The following NBEAL2 variants were observed in gnomAD, a reference collection of about 807,000 sequenced individuals.
NBEAL2 encodes the protein neurobeachin like 2.
A neutral mutation model predicts 299.8 loss-of-function variants in NBEAL2; 160 were observed. That is an observed-to-expected ratio of 0.53 (90% CI 0.47 to 0.61). The LOEUF is 0.61. Among genes scored for constraint, NBEAL2 ranks in the 20% least tolerant of loss-of-function variants. The pLI, the probability that NBEAL2 is intolerant of heterozygous loss-of-function variation, is 0.00. For missense variants in NBEAL2, 3,112 were observed against 3,649.0 expected, an observed-to-expected ratio of 0.85 and a Z score of 3.79; for synonymous variants, 1,493 against 1,542.3, an observed-to-expected ratio of 0.97 and a Z score of 0.75.
Position 46,989,067 on chromosome 3 carries a change from C to T in NBEAL2, c.270-18C>T, listed in dbSNP as rs767003303. The stretch of plus-strand genomic sequence containing the variant: ...CATGGTGTATTATTGTGACCTCTCT[C>T]ATCATTGACTCCCCCAGGAACCTGG... On this transcript the variant is annotated intron_variant, in intron 3 of 53. Coordinates refer to ENST00000450053, the MANE Select transcript of NBEAL2 (RefSeq NM_015175.3). The surrounding 1 kb of genome is among the most constrained non-coding windows in gnomAD (Gnocchi z 5.5). 6.4e-5 allele frequency: 103 copies of T among 1,612,888 alleles called. No individual in the cohort carries two copies. The highest frequency in any genetic ancestry group is 8.1e-5 in the Non-Finnish European group (96 of 1,179,490).
At chr3:46,983,050 G>A (rs940277653) in intron 1 of NBEAL2, among the ~76,000 whole-genome samples, 3 of 152,178 alleles carry the variant, frequency 2.0e-5, no homozygotes, top group Non-Finnish European at 4.4e-5. Flanking sequence ...GAGTGAGGGG[G>A]CACTGAATGT....
rs1215462057 is a variant in NBEAL2, at chr3:46,982,288, C to G, written c.51+2376C>G. ...TTTAGTTGGCCAGCCACCCAGCCAG[C>G]AACACCTGCACCCCTCCCTTCAGCA... On this transcript the variant is annotated intron_variant, in intron 1 of 53. Coordinates refer to ENST00000450053, the MANE Select transcript of NBEAL2 (RefSeq NM_015175.3). This position sits in a 1 kb window ranked among gnomAD's most constrained non-coding sequence, Gnocchi z 4.2. Among the ~76,000 whole-genome samples, 1 of 152,192 alleles carries G rather than the reference C, an allele frequency of 6.6e-6. No individual in the cohort carries two copies. Among genetic ancestry groups the G allele is most frequent in the Non-Finnish European group, 1.5e-5 (1 of 68,032 alleles).
rs773067240 is a variant in NBEAL2, at chr3:46,989,017, C to T, written c.269+47C>T. On this transcript the variant is annotated intron_variant, in intron 3 of 53. Transcript: ENST00000450053. The surrounding 1 kb of genome is among the most constrained non-coding windows in gnomAD (Gnocchi z 5.5). ...CAAGCAGGGGCCTAGAACTGTGGGC[C>T]AGAGGGAGAGGGGACAAGGAGGGGC... The T allele has an allele frequency of 6.2e-7, 1 of 1,611,892 alleles. No homozygotes were observed. Among genetic ancestry groups the T allele is most frequent in the Non-Finnish European group, 8.5e-7 (1 of 1,178,940 alleles).
rs545138505 is a variant in NBEAL2, at chr3:47,001,410, A to G, written c.4616A>G (p.His1539Arg). The change falls in exon 29 of 54, where the codon CAT (histidine) becomes CGT (arginine). Residue 1539 changes from histidine (H) to arginine (R), a missense_variant. His to Arg is a conservative substitution (Grantham distance 29). Coordinates refer to ENST00000450053, the MANE Select transcript of NBEAL2 (RefSeq NM_015175.3). The surrounding 1 kb of genome is among the most constrained non-coding windows in gnomAD (Gnocchi z 6.1). ...CAGGACTTCCTGTGTGCTGAAGGCC[A>G]TGGTAACCAGGAACTGTGGAGTGAG... ...LLQDFLCAEG[H>R]GNQELWSEKL... 3.1e-6 allele frequency: 5 copies of G among 1,613,032 alleles called. No homozygotes were observed. In the South Asian group the frequency reaches 5.5e-5, roughly 18 times the overall value.
Position 47,004,762 on chromosome 3 carries a change from C to T in NBEAL2, c.6294+172C>T, listed in dbSNP as rs1378412986. ...GCCAACCCCCAGAGGTCCCCAGCCT[C>T]ACTCCCTTCCCCTCCCTGCCTAGCC... On this transcript the variant is annotated intron_variant, in intron 38 of 53. Transcript: ENST00000450053. The surrounding 1 kb of genome is among the most constrained non-coding windows in gnomAD (Gnocchi z 5.0). 3 of 955,370 alleles carry T rather than the reference C, an allele frequency of 3.1e-6. No homozygotes were observed. Among genetic ancestry groups the T allele is most frequent in the Admixed American group, 2.1e-5 (1 of 46,982 alleles). 59.2% of individuals were successfully genotyped at this position (955,370 alleles called of 1,614,324 possible).
chr3:47,008,674 C>T lies in NBEAL2; in HGVS notation c.8027+6C>T. 6.2e-7 allele frequency: 1 copy of T among 1,613,024 alleles called. No individual in the cohort carries two copies. Among genetic ancestry groups the T allele is most frequent in the Non-Finnish European group, 8.5e-7 (1 of 1,179,840 alleles). ...CACATCCTCCAACTAAACACGTAAG[C>T]CCCCCATTTATGGGTTCATGGCCCC... On this transcript the variant is annotated splice_donor_region_variant and intron_variant, in intron 52 of 53. Coordinates refer to ENST00000450053, the MANE Select transcript of NBEAL2 (RefSeq NM_015175.3).
In NBEAL2 at chr3:47,005,315, G is replaced by C. The variant is rs552571358; in HGVS notation, c.6554G>C (p.Ser2185Thr). ...PFTSLHVQLQ[S>T]GRFDCSDRQF... ...ACCTCCCTGCACGTCCAGCTGCAAAGTGGCCGGTGCGGCCCAGGGGCTGGT... is the reference window on the plus strand; with the variant it reads ...ACCTCCCTGCACGTCCAGCTGCAAACTGGCCGGTGCGGCCCAGGGGCTGGT... Residue 2185 changes from serine to threonine, a missense_variant, in exon 40 of 54, where the codon AGT (serine) becomes ACT (threonine). This residue lies in a region of NBEAL2 where 521 missense variants were observed against 729.6 expected (regional missense o/e 0.71). Coordinates refer to ENST00000450053, the MANE Select transcript of NBEAL2 (RefSeq NM_015175.3). The C allele has an allele frequency of 6.2e-7, 1 of 1,611,952 alleles. No homozygotes were observed. The highest frequency in any genetic ancestry group is 8.5e-7 in the Non-Finnish European group (1 of 1,179,330).
rs1359893726 is a variant in NBEAL2 at position 46,989,666 on chromosome 3, G to A, written c.556+73G>A. 14 of 1,346,610 alleles carry A rather than the reference G, an allele frequency of 1.0e-5. No homozygotes were observed. The highest frequency in any genetic ancestry group is 1.4e-5 in the Non-Finnish European group (13 of 962,766). The allele number at this position is 1,346,610 out of a possible 1,614,324, so 83.4% of individuals were successfully genotyped here. ...CCCCTTCCTGTCGTTCCTTGATCCTGCCATACACAGGAACCACTTGGTGGT... is the reference window on the plus strand; with the variant it reads ...CCCCTTCCTGTCGTTCCTTGATCCTACCATACACAGGAACCACTTGGTGGT... On this transcript the variant is annotated intron_variant, in intron 6 of 53. Transcript: ENST00000450053. This position sits in a 1 kb window ranked among gnomAD's most constrained non-coding sequence, Gnocchi z 5.5.
In NBEAL2 at chr3:46,991,823, C is replaced by A. The variant is rs1262723833; in HGVS notation, c.926-17C>A. 6.3e-7 allele frequency: 1 copy of A among 1,581,844 alleles called. No homozygotes were observed. Among genetic ancestry groups the A allele is most frequent in the Non-Finnish European group, 8.6e-7 (1 of 1,164,032 alleles). On this transcript the variant is annotated splice_polypyrimidine_tract_variant and intron_variant, in intron 8 of 53. Transcript: ENST00000450053. This position sits in a 1 kb window ranked among gnomAD's most constrained non-coding sequence, Gnocchi z 6.2. ...TAGAGGGGTCTGGGCAGGGCCTGACCCTTGACCCTTCCACAGACGCCATCC... is the reference window on the plus strand; with the variant it reads ...TAGAGGGGTCTGGGCAGGGCCTGACACTTGACCCTTCCACAGACGCCATCC...
chr3:47,007,484 A>T (rs1186497702), intron 47 of NBEAL2, 41 bp from the exon 48 acceptor site: 2 of 1,588,128 alleles, frequency 1.3e-6, no homozygotes, highest in Non-Finnish European at 8.6e-7. Flanking sequence ...GGTCTCTTCC[A>T]TGTGGCCTGG....
At chr3:46,999,548 G>A (rs764894065) in intron 25 of NBEAL2, 74 bp downstream of exon 25, 253 of 1,591,592 alleles carry the variant, frequency 1.6e-4, no homozygotes, top group Non-Finnish European at 2.0e-4. Flanking sequence ...GAAGAAGGAA[G>A]ATAGTGGCAT....
chr3:47,002,670 G>A lies in NBEAL2; in HGVS notation c.5327G>A (p.Arg1776Lys). Residue 1776 changes from arginine to lysine, a missense_variant, in exon 33 of 54, where the codon AGG (arginine) becomes AAG (lysine). Physicochemically the swap from Arg to Lys is conservative, Grantham distance 26. Coordinates refer to ENST00000450053, the MANE Select transcript of NBEAL2 (RefSeq NM_015175.3). ...GAGCTGGTGCTGGAACCTGCGCAGAGGCGGGCGCGCCTGGAGGGGCTACGC... is the reference window on the plus strand; with the variant it reads ...GAGCTGGTGCTGGAACCTGCGCAGAAGCGGGCGCGCCTGGAGGGGCTACGC... Reference protein sequence around the residue: ...FQELVLEPAQRRARLEGLRYT... With the variant: ...FQELVLEPAQKRARLEGLRYT... 1 of 1,608,426 alleles carries A rather than the reference G, an allele frequency of 6.2e-7. No homozygotes were observed. Among genetic ancestry groups the A allele is most frequent in the Non-Finnish European group, 8.5e-7 (1 of 1,178,642 alleles).
rs1391801969 is a variant in NBEAL2, at chr3:46,979,836, C to T, written c.-26C>T. 4.0e-5 allele frequency: 17 copies of T among 425,954 alleles called. No homozygotes were observed. 26.4% of individuals were successfully genotyped at this position (425,954 alleles called of 1,614,324 possible). On this transcript the variant is annotated 5_prime_UTR_variant, in exon 1 of 54. Coordinates refer to ENST00000450053, the MANE Select transcript of NBEAL2 (RefSeq NM_015175.3). ...GGAGGAGGCGGCGACAGGTGGCGCG[C>T]AGCAGGGCCGGAGCCGGGCCGGGCC...
Position 47,004,356 on chromosome 3 carries a change from C to A in NBEAL2, c.6161C>A (p.Ser2054Tyr). Residue 2054 changes from serine to tyrosine, a missense_variant, in exon 37 of 54, where the codon TCC becomes TAC. This residue lies in a region of NBEAL2 where 521 missense variants were observed against 729.6 expected (regional missense o/e 0.71). Coordinates refer to ENST00000450053, the MANE Select transcript of NBEAL2 (RefSeq NM_015175.3). The surrounding 1 kb of genome is among the most constrained non-coding windows in gnomAD (Gnocchi z 5.0). ...PPSQGYLSSRSPQEMLRASGL... is the reference protein window; with the variant it reads ...PPSQGYLSSRYPQEMLRASGL... ...TCTCAAGGCTACCTAAGCAGCCGCT[C>A]CCCCCAGGAGATGCTGCGTGCCTCA... The A allele has an allele frequency of 1.2e-6, 2 of 1,602,506 alleles. No homozygotes were observed. The highest frequency in any genetic ancestry group is 1.1e-5 in the South Asian group (1 of 89,464).
Position 47,005,290 on chromosome 3 carries a change from A to G in NBEAL2, c.6529A>G (p.Thr2177Ala), listed in dbSNP as rs1362970686. Residue 2177 changes from threonine (T) to alanine (A), a missense_variant, in exon 40 of 54, where the codon ACC becomes GCC. Transcript: ENST00000450053. ...MHYLIRVEPF[T>A]SLHVQLQSGR... ...CTACCTCATCCGCGTGGAGCCCTTC[A>G]CCTCCCTGCACGTCCAGCTGCAAAG... The G allele has an allele frequency of 1.2e-6, 2 of 1,612,366 alleles. No individual in the cohort carries two copies. The highest frequency in any genetic ancestry group is 1.7e-5 in the Admixed American group (1 of 59,928).
At position 46,988,852 on chromosome 3, in the gene NBEAL2, G is replaced by T; in HGVS notation, c.151G>T (p.Ala51Ser). 6.2e-7 allele frequency: 1 copy of T among 1,607,542 alleles called. No homozygotes were observed. The highest frequency in any genetic ancestry group is 8.5e-7 in the Non-Finnish European group (1 of 1,175,348). The stretch of plus-strand genomic sequence containing the variant: ...CCCCTTTCCTTGCAGGCCAGAGGAG[G>T]CAGGTGCAGAGGTCCCGCTGCTACC... ...SSLEPRRPEE[A>S]GAEVPLLPLD... is the part of the protein sequence containing the mutation. Residue 51 changes from alanine (A) to serine (S), a missense_variant, in exon 3 of 54, where the codon GCA becomes TCA. Coordinates refer to ENST00000450053, the MANE Select transcript of NBEAL2 (RefSeq NM_015175.3). The surrounding 1 kb of genome is among the most constrained non-coding windows in gnomAD (Gnocchi z 4.4).
Position 46,997,309 on chromosome 3 carries a change from G to A in NBEAL2, c.2700G>A (p.Glu900=), listed in dbSNP as rs1020245167. ...TGGGTGCCCTGCTGCCCCTGCTGGA[G>A]CGAGTAGCTGCACAGCCCAAAGAGG... ...GGMGALLPLL[E]RVAAQPKEAE... The change falls in exon 19 of 54, where the codon GAG becomes GAA. Residue 900 remains glutamate, a synonymous_variant. Coordinates refer to ENST00000450053, the MANE Select transcript of NBEAL2 (RefSeq NM_015175.3). 14 of 1,613,026 alleles carry A rather than the reference G, an allele frequency of 8.7e-6. No homozygotes were observed. In the South Asian group the frequency reaches 1.1e-4, roughly 13 times the overall value.
chr3:47,002,751 G>C lies in NBEAL2; in HGVS notation c.5408G>C (p.Trp1803Ser). The stretch of plus-strand genomic sequence containing the variant: ...CAGCACTCCATGGCCCTGCTGCACT[G>C]GGGGGCGCTGTGGCGCCAGCTCGCC... ...ATQHSMALLH[W>S]GALWRQLASP... The change falls in exon 33 of 54, where the codon TGG (tryptophan) becomes TCG (serine). Residue 1803 changes from tryptophan (W) to serine (S), a missense_variant. This residue lies in a region of NBEAL2 where 2,243 missense variants were observed against 2,538.1 expected (regional missense o/e 0.88). Transcript: ENST00000450053. 2 of 1,577,992 alleles carry C rather than the reference G, an allele frequency of 1.3e-6. No individual in the cohort carries two copies. Among genetic ancestry groups the C allele is most frequent in the East Asian group, 2.3e-5 (1 of 43,560 alleles).
At position 47,000,002 on chromosome 3, in the gene NBEAL2, C is replaced by T. The variant is rs1359027328; in HGVS notation, c.3903C>T (p.Ser1301=). ...TCCTGGAGGCTGCCACAGCCGGCAG[C>T]CCCCCTCCGTCTTCCCCAGAGTCAC... ...LYVLEAATAG[S]PPPSSPESPT... The change falls in exon 27 of 54, where the codon AGC becomes AGT. Residue 1301 remains serine, a synonymous_variant. Transcript: ENST00000450053. This position sits in a 1 kb window ranked among gnomAD's most constrained non-coding sequence, Gnocchi z 4.5. 8.7e-6 allele frequency: 14 copies of T among 1,612,132 alleles called. No homozygotes were observed. The highest frequency in any genetic ancestry group is 1.1e-5 in the South Asian group (1 of 91,076).
Sources: gnomAD v4.1 joint callset for allele counts (sites outside exome capture counted in the v4.1 genomes callset) on GRCh38, gnomAD v4.1.1 for gene constraint, gnomAD v4.1.1 regional missense constraint, Gnocchi (gnomAD v3.1) non-coding constraint, MANE v1.5 for transcripts, NCBI Gene and HGNC (gene_info 2026-07-23, HGNC 2026-07-21) for gene names.